Variants in RBM47 observed in about 807,000 individuals in gnomAD.
The protein encoded by RBM47 is RNA binding motif protein 47, also known as RNA-binding protein 47.
In RBM47, 21 loss-of-function variants were observed where a neutral mutation model predicts 47.1. The observed-to-expected ratio is 0.45, with a 90% CI of 0.32 to 0.64. RBM47 has a LOEUF of 0.64. Ranked by LOEUF, RBM47 falls within the 30% of genes least tolerant of loss-of-function variation. The pLI is 0.05. For missense variants in RBM47, 708 were observed against 870.9 expected (o/e 0.81, Z 2.35); for synonymous variants, 375 against 361.7 (o/e 1.04, Z -0.42).
intron 1 of RBM47, among the ~76,000 whole-genome samples, chr4:40,569,484 A>G (rs1204746688): frequency 1.4e-5 from 2 of 147,556 alleles, no homozygotes; most frequent in African/African-American, 5.1e-5. Context: ...ATCTCAGTTC[A>G]CTGCAATCTC....
At chr4:40,526,151 C>T (rs7683869) in intron 2 of RBM47, among the ~76,000 whole-genome samples, 19,654 of 152,160 alleles carry the variant, frequency 0.13, 1,311 homozygotes, top group African/African-American at 0.16. Context: ...AGCCAGAAAC[C>T]GTGACTCATC....
intron 1 of RBM47, among the ~76,000 whole-genome samples, chr4:40,606,518 G>T (rs1313843541): frequency 6.6e-6 from 1 of 152,136 alleles, no homozygotes; most frequent in Non-Finnish European, 1.5e-5. Context: ...TTGCCCTTTA[G>T]CCCCACCTGG....
chr4:40,536,008 T>C (rs1727944976), intron 2 of RBM47, among the ~76,000 whole-genome samples: 1 of 152,236 alleles, frequency 6.6e-6, no homozygotes, highest in African/African-American at 2.4e-5. Context: ...GCCTCTGGTA[T>C]GGTATTTCAA....
At chr4:40,611,665 T>C (rs538477497) in intron 1 of RBM47, among the ~76,000 whole-genome samples, 1 of 151,514 alleles carries the variant, frequency 6.6e-6, no homozygotes, top group South Asian at 2.1e-4. Flanking sequence ...GAGGCAGAGG[T>C]TGCGGTGAGC....
At chr4:40,590,218 T>A (rs1733999117) in intron 1 of RBM47, among the ~76,000 whole-genome samples, 1 of 152,040 alleles carries the variant, frequency 6.6e-6, no homozygotes, top group South Asian at 2.1e-4. Flanking sequence ...ATTTTAAACA[T>A]TGTCAACTGA....
At chr4:40,548,193 T>C (rs369760408) in intron 1 of RBM47, among the ~76,000 whole-genome samples, 1 of 152,238 alleles carries the variant, frequency 6.6e-6, no homozygotes, top group South Asian at 2.1e-4. Flanking sequence ...TCCTGAAGGA[T>C]GAATAACAGT....
chr4:40,540,786 A>T (rs930281366), intron 2 of RBM47, among the ~76,000 whole-genome samples: 1 of 147,732 alleles, frequency 6.8e-6, no homozygotes, highest in Non-Finnish European at 1.5e-5. Flanking sequence ...TTATTTATTT[A>T]TTTATTTATT....
At chr4:40,519,459 G>A (rs1385659713) in intron 2 of RBM47, among the ~76,000 whole-genome samples, 2 of 150,728 alleles carry the variant, frequency 1.3e-5, no homozygotes, top group African/African-American at 4.9e-5. Context: ...CACCACACCC[G>A]GCTAATTTTG....
chr4:40,546,974 G>A (rs1050680432), intron 1 of RBM47, among the ~76,000 whole-genome samples: 3 of 152,202 alleles, frequency 2.0e-5, no homozygotes, highest in African/African-American at 7.2e-5. Flanking sequence ...CTAAATGTTA[G>A]CTGCTTAAGA....
intron 2 of RBM47, among the ~76,000 whole-genome samples, chr4:40,521,019 G>A (rs1041875325): frequency 3.3e-5 from 5 of 152,190 alleles, no homozygotes; most frequent in African/African-American, 9.7e-5. Flanking sequence ...ACTTCTAGCC[G>A]TGTGAGAGGC....
At chr4:40,516,677 C>G (rs949673335) in intron 2 of RBM47, among the ~76,000 whole-genome samples, 3 of 152,214 alleles carry the variant, frequency 2.0e-5, no homozygotes, top group African/African-American at 7.2e-5. Flanking sequence ...GATCCAAAAA[C>G]AGCCCAAGGT....
intron 3 of RBM47, among the ~76,000 whole-genome samples, chr4:40,451,184 C>CAAAAAAAAAAAAAAAAA (rs958122281): frequency 5.8e-5 from 3 of 51,474 alleles, no homozygotes; most frequent in African/African-American, 1.8e-4. Flanking sequence ...CAGTAGCTAC[C>CAAAAAAAAAAAAAAAAA]AAAAAAAAAA....
intron 1 of RBM47, among the ~76,000 whole-genome samples, chr4:40,597,830 C>T (rs1734896592): frequency 6.6e-6 from 1 of 152,186 alleles, no homozygotes; most frequent in Non-Finnish European, 1.5e-5. Flanking sequence ...GTTTTTGAAT[C>T]ACCATGAAAA....
intron 1 of RBM47, among the ~76,000 whole-genome samples, chr4:40,546,397 G>A (rs149841081): frequency 1.2e-3 from 178 of 152,160 alleles, no homozygotes; most frequent in Non-Finnish European, 1.8e-3. Flanking sequence ...TGATCCACCC[G>A]CCTCAGCCTC....
chr4:40,587,455 G>C (rs933551073), intron 1 of RBM47, among the ~76,000 whole-genome samples: 1 of 152,110 alleles, frequency 6.6e-6, no homozygotes, highest in Non-Finnish European at 1.5e-5. Context: ...TAGGAGCCAG[G>C]GGCAGGGAAC....
chr4:40,468,069 T>C (rs758058012), intron 2 of RBM47, among the ~76,000 whole-genome samples: 61 of 152,282 alleles, frequency 4.0e-4, no homozygotes, highest in Admixed American at 1.7e-3. Flanking sequence ...GTGGATCACT[T>C]GAGATCAAGA....
chr4:40,447,142 A>T (rs1306999599), intron 3 of RBM47, among the ~76,000 whole-genome samples: 2 of 152,234 alleles, frequency 1.3e-5, no homozygotes, highest in Non-Finnish European at 2.9e-5. Context: ...CCCCTGAGGT[A>T]GGACCCTCCC....
At chr4:40,470,886 G>A (rs2154236520) in intron 2 of RBM47, among the ~76,000 whole-genome samples, 1 of 152,210 alleles carries the variant, frequency 6.6e-6, no homozygotes, top group African/African-American at 2.4e-5. Context: ...GGGATTACAG[G>A]TGCACACCAC....
intron 3 of RBM47, among the ~76,000 whole-genome samples, chr4:40,460,857 C>T (rs1009081724): frequency 4.6e-5 from 6 of 130,424 alleles, no homozygotes; most frequent in Non-Finnish European, 9.2e-5. Context: ...CACTGCACTC[C>T]AGCCTGGGTG....
Sources: gnomAD v4.1 joint callset for allele counts (sites outside exome capture counted in the v4.1 genomes callset) on GRCh38, gnomAD v4.1.1 for gene constraint, MANE v1.5 for transcripts, NCBI Gene and HGNC (gene_info 2026-07-23, HGNC 2026-07-21) for gene names.